Variants in PAG1 observed in about 807,000 individuals in gnomAD.
The protein encoded by PAG1 is phosphoprotein associated with glycosphingolipid-enriched microdomains 1.
In PAG1, 23 loss-of-function variants were observed where a neutral mutation model predicts 31.7. The ratio of observed to expected loss-of-function variants is 0.73; its 90% CI spans 0.52 to 1.03. PAG1 has a LOEUF of 1.03. Ranked by LOEUF, PAG1 falls within the 50% of genes least tolerant of loss-of-function variation. The probability of loss-of-function intolerance (pLI) is 0.00; values close to 1 mark genes in which losing one functional copy is unlikely to be tolerated. For synonymous variants in PAG1, 214 were observed against 210.3 expected (o/e 1.02, Z -0.15); for missense variants, 473 against 540.7 (o/e 0.87, Z 1.24).
rs144309402 is a variant in PAG1 at position 80,976,664 on chromosome 8, G to A, written c.1179C>T (p.Leu393=). ...GGGTGGCCTTTTCTTCCTCTCTGTT[G>A]AGAGTCTGTATCGCTTCATAATCAG... ...PEPDYEAIQT[L]NREEEKATLG... is the part of the protein sequence containing the mutation. The change falls in exon 9 of 9, where the codon CTC becomes CTT. Residue 393 remains leucine (L), a synonymous_variant. Coordinates refer to ENST00000220597, the MANE Select transcript of PAG1 (RefSeq NM_018440.4). 42 of 1,614,024 alleles carry A rather than the reference G, an allele frequency of 2.6e-5. No homozygotes were observed. The highest frequency in any genetic ancestry group is 8.5e-7 in the Non-Finnish European group (1 of 1,180,018).
At chr8:81,065,284 C>T (rs1028370918) in intron 2 of PAG1, among the ~76,000 whole-genome samples, 4 of 152,142 alleles carry the variant, frequency 2.6e-5, no homozygotes, top group African/African-American at 9.7e-5. Flanking sequence ...AGAAATAATC[C>T]TCACTTCTGC....
chr8:81,047,101 G>T (rs912754963), intron 2 of PAG1, among the ~76,000 whole-genome samples: 7 of 152,168 alleles, frequency 4.6e-5, no homozygotes, highest in Non-Finnish European at 1.0e-4. Context: ...TCACTGATGG[G>T]CATTTAGGTT....
At chr8:81,064,759 A>T (rs1808975734) in intron 2 of PAG1, among the ~76,000 whole-genome samples, 1 of 152,114 alleles carries the variant, frequency 6.6e-6, no homozygotes, top group Admixed American at 6.5e-5. Flanking sequence ...ACATCCATTC[A>T]TGAAGTGAAT....
intron 3 of PAG1, chr8:81,029,645 A>G: frequency 6.6e-6 from 1 of 152,144 alleles, no homozygotes; most frequent in East Asian, 1.9e-4. Flanking sequence ...TTTTTTCCTC[A>G]TAAAGGATGA....
At chr8:81,081,771 T>C (rs927609430) in intron 1 of PAG1, among the ~76,000 whole-genome samples, 1 of 151,350 alleles carries the variant, frequency 6.6e-6, no homozygotes, top group African/African-American at 2.4e-5. Flanking sequence ...CTTTGTTTTA[T>C]TGTGGAGTAG....
intron 1 of PAG1, among the ~76,000 whole-genome samples, chr8:81,082,812 T>C (rs73692330): frequency 0.085 from 12,940 of 152,228 alleles, 1,838 homozygotes; most frequent in African/African-American, 0.29. Flanking sequence ...CCAGCATGTT[T>C]AGAATTCCTC....
At chr8:80,987,945 TAC>T (rs1807459837) in intron 5 of PAG1, among the ~76,000 whole-genome samples, 2 of 152,274 alleles carry the variant, frequency 1.3e-5, no homozygotes, top group Admixed American at 1.3e-4. Flanking sequence ...TAAAATAAAA[TAC>T]ACTAAATTGA....
chr8:81,005,080 A>T (rs1021864835), intron 3 of PAG1, among the ~76,000 whole-genome samples: 3 of 152,230 alleles, frequency 2.0e-5, no homozygotes, highest in Admixed American at 2.0e-4. Context: ...CACACAGAAC[A>T]TAAATGACTG....
intron 1 of PAG1, among the ~76,000 whole-genome samples, chr8:81,082,152 C>G (rs1809277491): frequency 6.7e-6 from 1 of 148,972 alleles, no homozygotes; most frequent in Admixed American, 6.8e-5. Context: ...ACTCGGGAGG[C>G]TGAGGCATGA....
chr8:81,065,566 C>T (rs1448670096), intron 2 of PAG1, among the ~76,000 whole-genome samples: 1 of 152,118 alleles, frequency 6.6e-6, no homozygotes, highest in Non-Finnish European at 1.5e-5. Flanking sequence ...CCTGACTCTC[C>T]AGCCAGTTCT....
At position 81,029,111 on chromosome 8, in the gene PAG1, A is replaced by G. The variant is rs151135436; in HGVS notation, c.-81+885T>C. ...TTTATAAGGAAGGAGGTGTTTCATC[A>G]GATAAAACAAGACAGCTTTTAGCTA... On this transcript the variant is annotated intron_variant, in intron 3 of 8. Transcript: ENST00000220597. Among the ~76,000 whole-genome samples the G allele has an allele frequency of 3.3e-3, 498 of 152,344 alleles. 2 individuals are homozygous for G. Among genetic ancestry groups the G allele is most frequent in the Non-Finnish European group, 5.7e-3 (385 of 68,018 alleles).
intron 2 of PAG1, chr8:81,040,798 T>C (rs369659039): frequency 9.8e-5 from 15 of 152,332 alleles, no homozygotes; most frequent in African/African-American, 3.1e-4. Flanking sequence ...ATTTGGACTT[T>C]ACTACTGCAG....
At chr8:81,090,403 T>C (rs1334449441) in intron 1 of PAG1, among the ~76,000 whole-genome samples, 1 of 152,162 alleles carries the variant, frequency 6.6e-6, no homozygotes, top group Non-Finnish European at 1.5e-5. Flanking sequence ...AAAGATAGGA[T>C]ATGTAACTTG....
chr8:80,994,165 G>GCCATCTCTAATCTCCCTAATCCACTGCCA (rs1563621595), intron 3 of PAG1, among the ~76,000 whole-genome samples: 1 of 152,068 alleles, frequency 6.6e-6, no homozygotes, highest in African/African-American at 2.4e-5. Context: ...CTCACCCACT[G>GCCATCTCTAATCTCCCTAATCCACTGCCA]TTGTCTGAGA....
At chr8:81,105,256 CAG>C (rs1809676257) in intron 1 of PAG1, among the ~76,000 whole-genome samples, 1 of 152,222 alleles carries the variant, frequency 6.6e-6, no homozygotes, top group African/African-American at 2.4e-5. Flanking sequence ...TTCTTGAGGG[CAG>C]AGAGAGGGAT....
At chr8:81,014,936 C>T (rs748061490) in intron 3 of PAG1, among the ~76,000 whole-genome samples, 11 of 152,118 alleles carry the variant, frequency 7.2e-5, no homozygotes, top group Admixed American at 2.0e-4. Context: ...AGTCAGGAGG[C>T]AGAGCGCAAG....
chr8:81,034,782 C>A (rs1342709617), intron 2 of PAG1, among the ~76,000 whole-genome samples: 1 of 152,206 alleles, frequency 6.6e-6, no homozygotes, highest in African/African-American at 2.4e-5. Context: ...AAAGAAGTTC[C>A]TCTTCCCCTG....
chr8:81,105,307 T>C (rs984071844), intron 1 of PAG1, among the ~76,000 whole-genome samples: 2 of 152,096 alleles, frequency 1.3e-5, no homozygotes, highest in Non-Finnish European at 2.9e-5. Flanking sequence ...ACAATGTGCC[T>C]GGTATCATAT....
chr8:81,014,231 C>T lies in PAG1; in HGVS notation c.-81+15765G>A, dbSNP rs1423414838. Among the ~76,000 whole-genome samples, 11 of 152,332 alleles carry T rather than the reference C, an allele frequency of 7.2e-5. No individual in the cohort carries two copies. In the South Asian group the frequency reaches 2.3e-3, roughly 32 times the overall value. ...TATCAGTAGCAACAAAAACTGCTTT[C>T]CTTGCCAACACAAATTTTATAAACC... is the stretch of plus-strand genomic sequence containing the variant. On this transcript the variant is annotated intron_variant, in intron 3 of 8. Coordinates refer to ENST00000220597, the MANE Select transcript of PAG1 (RefSeq NM_018440.4).
Sources: allele counts gnomAD v4.1 joint callset (sites outside exome capture counted in the v4.1 genomes callset), GRCh38; gene constraint gnomAD v4.1.1; transcripts MANE v1.5; gene names NCBI Gene and HGNC (gene_info 2026-07-23, HGNC 2026-07-21).